DAB1: variants seen among roughly 807,000 people sequenced by gnomAD.
DAB1 encodes the protein disabled homolog 1.
A neutral mutation model predicts 64.6 loss-of-function variants in DAB1; 15 were observed. The ratio of observed to expected loss-of-function variants is 0.23; its 90% CI spans 0.16 to 0.36. The LOEUF (loss-of-function observed/expected upper bound fraction) is 0.36. DAB1 is among the 10% of genes least tolerant of loss of function. The pLI is 1.00. For synonymous variants in DAB1, 235 were observed against 251.9 expected (o/e 0.93, Z 0.64); for missense variants, 596 against 706.7 (o/e 0.84, Z 1.78).
chr1:58,327,206 T>C (rs1662850127), intron 4 of DAB1, among the ~76,000 whole-genome samples: 1 of 152,190 alleles, frequency 6.6e-6, no homozygotes, highest in Non-Finnish European at 1.5e-5. Flanking sequence ...CACGTTGAAC[T>C]TTGTTTGATA....
chr1:57,721,362 G>A (rs1363143747), intron 6 of DAB1, among the ~76,000 whole-genome samples: 1 of 152,118 alleles, frequency 6.6e-6, no homozygotes, highest in African/African-American at 2.4e-5. Context: ...AGAAAAGGTG[G>A]ATCTGATAAA....
intron 14 of DAB1, among the ~76,000 whole-genome samples, chr1:57,003,658 C>G (rs550589197): frequency 1.1e-4 from 17 of 152,162 alleles, no homozygotes; most frequent in African/African-American, 3.9e-4. Context: ...TCACCCCAAA[C>G]AGAAACTCTG....
Position 58,306,571 on chromosome 1 carries a change from G to A in DAB1, n.309+36781C>T, listed in dbSNP as rs1031188274. Among the ~76,000 whole-genome samples the A allele has an allele frequency of 3.9e-5, 6 of 151,998 alleles. No individual in the cohort carries two copies. The East Asian group carries it at 7.7e-4, about 20-fold the overall frequency. ...CTTTGCATCTCACCATTCCTCTGCCGCAGGGTTTCTCCAGCACCTAGTGGG... is the reference window on the plus strand; with the variant it reads ...CTTTGCATCTCACCATTCCTCTGCCACAGGGTTTCTCCAGCACCTAGTGGG... On this transcript the variant is annotated intron_variant and non_coding_transcript_variant, in intron 4 of 20. Transcript: ENST00000485760.
At chr1:57,206,477 T>G (rs1665547179) in intron 2 of DAB1, among the ~76,000 whole-genome samples, 1 of 152,216 alleles carries the variant, frequency 6.6e-6, no homozygotes, top group Non-Finnish European at 1.5e-5. Context: ...ACTGGGCTTA[T>G]TTTTTACCTC....
intron 1 of DAB1, among the ~76,000 whole-genome samples, chr1:58,529,100 C>T (rs1000282826): frequency 6.6e-6 from 1 of 152,140 alleles, no homozygotes; most frequent in African/African-American, 2.4e-5. Flanking sequence ...TGAGATCCTA[C>T]AACCTAAGGA....
In DAB1 at chr1:57,785,185, C is replaced by T. The variant is rs146022663; in HGVS notation, n.551+98814G>A. On this transcript the variant is annotated intron_variant and non_coding_transcript_variant, in intron 6 of 20. Transcript: ENST00000485760. Reference sequence around the variant, plus strand: ...ATTTTAAGCCCACTGTTGGGACTTACTGCTCAGAAAAAAGATATCTTTCAA... The same window carrying T: ...ATTTTAAGCCCACTGTTGGGACTTATTGCTCAGAAAAAAGATATCTTTCAA... Among the ~76,000 whole-genome samples, 373 of 152,220 alleles carry T rather than the reference C, an allele frequency of 2.5e-3. 7 individuals carry two copies. In the South Asian group the frequency reaches 0.036, roughly 15 times the overall value.
At chr1:58,253,705 C>T (rs1660857500) in intron 4 of DAB1, among the ~76,000 whole-genome samples, 1 of 152,208 alleles carries the variant, frequency 6.6e-6, no homozygotes, top group Non-Finnish European at 1.5e-5. Context: ...GATTGAGTGA[C>T]TTGCTCAAAG....
intron 5 of DAB1, among the ~76,000 whole-genome samples, chr1:58,128,226 G>T (rs1448664139): frequency 6.6e-6 from 1 of 151,566 alleles, no homozygotes; most frequent in African/African-American, 2.4e-5. Context: ...ACGCAATTGT[G>T]AATGGGAATT....
chr1:57,038,552 G>A (rs533877505), intron 9 of DAB1, among the ~76,000 whole-genome samples: 118 of 152,252 alleles, frequency 7.8e-4, no homozygotes, highest in Middle Eastern at 6.8e-3. Context: ...TAATGATTGA[G>A]ACGTTGCCTC....
rs148829291 is a variant in DAB1, at chr1:57,295,966, T to C, written c.-136-4800A>G. Among the ~76,000 whole-genome samples, 1,124 of 152,240 alleles carry C rather than the reference T, an allele frequency of 7.4e-3. 6 individuals are homozygous for C. The highest frequency in any genetic ancestry group is 0.012 in the Non-Finnish European group (822 of 67,996). On this transcript the variant is annotated intron_variant, in intron 1 of 14. Coordinates refer to ENST00000371236, the MANE Select transcript of DAB1 (RefSeq NM_001365792.1). ...AACAGGTGGAAGAGAAAAAACTTTATCAAATAACTTATAAACACAGAATTG... is the reference window on the plus strand; with the variant it reads ...AACAGGTGGAAGAGAAAAAACTTTACCAAATAACTTATAAACACAGAATTG...
intron 4 of DAB1, among the ~76,000 whole-genome samples, chr1:58,308,154 G>A (rs990123036): frequency 6.6e-6 from 1 of 152,126 alleles, no homozygotes; most frequent in African/African-American, 2.4e-5. Flanking sequence ...ATTCAGGGCT[G>A]CCACATATAG....
intron 10 of DAB1, among the ~76,000 whole-genome samples, chr1:57,025,501 G>A (rs1646756064): frequency 6.6e-6 from 1 of 152,150 alleles, no homozygotes; most frequent in Admixed American, 6.5e-5. Flanking sequence ...AAGGAGAGAA[G>A]GATGGGCAGA....
intron 3 of DAB1, among the ~76,000 whole-genome samples, chr1:58,488,853 C>A (rs1445076802): frequency 6.6e-6 from 1 of 152,226 alleles, no homozygotes; most frequent in East Asian, 1.9e-4. Flanking sequence ...AGCTTAGCTC[C>A]CACTTATCAG....
chr1:57,603,263 C>T (rs1014991514), intron 7 of DAB1, among the ~76,000 whole-genome samples: 2 of 152,264 alleles, frequency 1.3e-5, no homozygotes, highest in East Asian at 1.9e-4. Context: ...ATGAGACTTA[C>T]TCATTTCTGT....
intron 6 of DAB1, among the ~76,000 whole-genome samples, chr1:57,774,096 G>A (rs1241650985): frequency 1.3e-5 from 2 of 151,874 alleles, no homozygotes; most frequent in Admixed American, 6.6e-5. Flanking sequence ...GGGGAAAATG[G>A]ACATCATAAA....
Position 57,641,378 on chromosome 1 carries a change from G to GTTTTTTTTTTTTTTTTTT in DAB1, n.625+8213_625+8214insAAAAAAAAAAAAAAAAAA, listed in dbSNP as rs1491296848. On this transcript the variant is annotated intron_variant and non_coding_transcript_variant, in intron 7 of 20. Coordinates refer to the DAB1 transcript ENST00000485760. ...TGCCCAGTTCCCTCTTTTTTTTGTT[G>GTTTTTTTTTTTTTTTTTT]GTTTTTTTTTTTTTTTTTTTTTTGA... Among the ~76,000 whole-genome samples the GTTTTTTTTTTTTTTTTTT allele has an allele frequency of 1.8e-5, 2 of 109,802 alleles. 1 individual carries two copies. 72.0% of individuals were successfully genotyped at this position (109,802 alleles called of 152,430 possible). A position where few individuals can be genotyped will look rare whatever the true frequency, so the allele number is the denominator to read the frequency against.
chr1:58,432,308 T>C (rs969464470), intron 3 of DAB1, among the ~76,000 whole-genome samples: 2 of 152,236 alleles, frequency 1.3e-5, no homozygotes, highest in Non-Finnish European at 2.9e-5. Context: ...ATTTTAATTT[T>C]ACATTGTTTT....
chr1:57,818,042 A>G (rs1392448840), intron 6 of DAB1, among the ~76,000 whole-genome samples: 1 of 152,176 alleles, frequency 6.6e-6, no homozygotes, highest in Non-Finnish European at 1.5e-5. Context: ...ACTCCCTGGA[A>G]TAATACTTGA....
At chr1:58,360,630 G>C (rs1644156120) in intron 3 of DAB1, among the ~76,000 whole-genome samples, 1 of 152,058 alleles carries the variant, frequency 6.6e-6, no homozygotes, top group African/African-American at 2.4e-5. Context: ...TTTTGTGGAA[G>C]AGGAGTCACT....
Sources: allele counts gnomAD v4.1 joint callset (sites outside exome capture counted in the v4.1 genomes callset), GRCh38; gene constraint gnomAD v4.1.1; transcripts MANE v1.5; gene names NCBI Gene and HGNC (gene_info 2026-07-23, HGNC 2026-07-21).